MEIS2: variants seen among roughly 807,000 people sequenced by gnomAD.
MEIS2 encodes Meis homeobox 2.
MEIS2 carries 9 observed loss-of-function variants against 58.6 expected under a neutral mutation model. That is an observed-to-expected ratio of 0.15 (90% CI 0.09 to 0.27). The LOEUF (loss-of-function observed/expected upper bound fraction) is 0.27. MEIS2 is among the 10% of genes least tolerant of loss of function. The pLI is 1.00. For synonymous variants in MEIS2, 221 were observed against 228.4 expected (o/e 0.97, Z 0.29); for missense variants, 427 against 635.0 (o/e 0.67, Z 3.52).
In MEIS2 at chr15:37,010,637, C is replaced by T. The variant is rs570519025; in HGVS notation, c.900+26177G>A. Among the ~76,000 whole-genome samples the T allele has an allele frequency of 5.9e-5, 9 of 152,354 alleles. No homozygotes were observed. The South Asian group carries it at 8.3e-4, about 14-fold the overall frequency. ...CAAGCAATCCACCCCCATCGGCCTC[C>T]GCCAGTGCTGGGATTGCAGGTTTGA... On this transcript the variant is annotated intron_variant, in intron 8 of 11. Coordinates refer to ENST00000561208, the MANE Select transcript of MEIS2 (RefSeq NM_170675.5).
chr15:36,959,448 C>T (rs1047945801), intron 8 of MEIS2, among the ~76,000 whole-genome samples: 1 of 152,270 alleles, frequency 6.6e-6, no homozygotes, highest in South Asian at 2.1e-4. Context: ...AGCTAGTTCA[C>T]TGCCTGGCAT....
At chr15:36,918,948 C>T (rs2057387692) in intron 9 of MEIS2, among the ~76,000 whole-genome samples, 1 of 152,124 alleles carries the variant, frequency 6.6e-6, no homozygotes, top group Admixed American at 6.5e-5. Flanking sequence ...TGATACCTAC[C>T]TCGTAATTGT....
At position 37,095,608 on chromosome 15, in the gene MEIS2, C is replaced by A; in HGVS notation, c.394G>T (p.Ala132Ser). 2 of 1,614,170 alleles carry A rather than the reference C, an allele frequency of 1.2e-6. No homozygotes were observed. Among genetic ancestry groups the A allele is most frequent in the Middle Eastern group, 1.6e-4 (1 of 6,062 alleles). ...DIAVFAKQVR[A>S]EKPLFSSNPE... ...TTTGAGGAAAAAAGTGGCTTTTCGG[C>A]GCGAACCTGTAAGAAACAGAGAGTC... Residue 132 changes from alanine to serine, a missense_variant, in exon 4 of 12, where the codon GCC becomes TCC. This residue lies in a region of MEIS2 where 138 missense variants were observed against 263.0 expected (regional missense o/e 0.52). Transcript: ENST00000561208.
intron 9 of MEIS2, among the ~76,000 whole-genome samples, chr15:36,942,327 T>A (rs962639373): frequency 1.1e-4 from 17 of 152,200 alleles, no homozygotes; most frequent in Admixed American, 4.6e-4. Flanking sequence ...TAAGGCTCTA[T>A]GTATTTTTCT....
At chr15:37,075,117 G>A (rs1891227429) in intron 7 of MEIS2, among the ~76,000 whole-genome samples, 1 of 151,826 alleles carries the variant, frequency 6.6e-6, no homozygotes, top group Non-Finnish European at 1.5e-5. Context: ...TTAGCAAAAT[G>A]GATCCTGAGT....
chr15:36,985,592 A>C (rs573276619), intron 8 of MEIS2, among the ~76,000 whole-genome samples: 1 of 152,066 alleles, frequency 6.6e-6, no homozygotes, highest in East Asian at 1.9e-4. Context: ...CACTGCCAAT[A>C]TTTTTTCCCT....
chr15:37,036,390 CT>C lies in MEIS2; in HGVS notation c.900+423del, dbSNP rs80180193. ...GCTTGGACATGCATGTGGCAAGGTG[CT>C]TTTTTTTTTTTTTTTTTGGCCTCCT... is the stretch of plus-strand genomic sequence containing the variant. On this transcript the variant is annotated intron_variant, in intron 8 of 11. Transcript: ENST00000561208. 6.0e-3 allele frequency: 711 copies of C among 118,126 alleles called. 1 individual carries two copies. Among genetic ancestry groups the C allele is most frequent in the South Asian group, 0.016 (60 of 3,694 alleles). 7.3% of individuals were successfully genotyped at this position (118,126 alleles called of 1,614,324 possible).
At chr15:37,096,222 A>G in intron 3 of MEIS2, 67 bp downstream of exon 3, 1 of 1,471,698 alleles carries the variant, frequency 6.8e-7, no homozygotes, top group Non-Finnish European at 9.1e-7. Context: ...CTTTCAAGTA[A>G]AGCTCCGAGG....
At chr15:37,090,204 T>C (rs1218419138) in intron 6 of MEIS2, among the ~76,000 whole-genome samples, 1 of 151,986 alleles carries the variant, frequency 6.6e-6, no homozygotes, top group Non-Finnish European at 1.5e-5. Context: ...AAATACATTA[T>C]AATATTAAAA....
At chr15:37,030,414 G>A (rs557135302) in intron 8 of MEIS2, among the ~76,000 whole-genome samples, 1 of 151,860 alleles carries the variant, frequency 6.6e-6, no homozygotes, top group Admixed American at 6.6e-5. Flanking sequence ...TCCACTCACT[G>A]CAACCTCTAC....
chr15:37,022,937 G>A (rs1052266759), intron 8 of MEIS2, among the ~76,000 whole-genome samples: 3 of 152,128 alleles, frequency 2.0e-5, no homozygotes, highest in African/African-American at 7.2e-5. Context: ...TTACAGGCGT[G>A]GTCCACTGTG....
At chr15:36,998,763 A>T (rs1203876632) in intron 8 of MEIS2, among the ~76,000 whole-genome samples, 1 of 152,156 alleles carries the variant, frequency 6.6e-6, no homozygotes, top group African/African-American at 2.4e-5. Flanking sequence ...TACTGCTCTG[A>T]GGGCTTCCGT....
chr15:36,917,889 T>C (rs974450280), intron 9 of MEIS2, among the ~76,000 whole-genome samples: 1 of 152,224 alleles, frequency 6.6e-6, no homozygotes, highest in Non-Finnish European at 1.5e-5. Flanking sequence ...ATCTCATCTC[T>C]ATTTCACCTA....
chr15:37,005,178 C>G (rs8035482), intron 8 of MEIS2, among the ~76,000 whole-genome samples: 13 of 152,240 alleles, frequency 8.5e-5, no homozygotes, highest in South Asian at 2.1e-4. Flanking sequence ...TGTTCATTAA[C>G]GCATGCCCTC....
chr15:37,084,221 G>A (rs1199133670), intron 6 of MEIS2, among the ~76,000 whole-genome samples: 1 of 151,986 alleles, frequency 6.6e-6, no homozygotes, highest in Non-Finnish European at 1.5e-5. Context: ...TATGAAAAAT[G>A]TAAAAGTCAT....
At chr15:37,083,951 G>T in intron 6 of MEIS2, 66 bp from the exon 7 acceptor site, 1 of 1,426,834 alleles carries the variant, frequency 7.0e-7, no homozygotes, top group Non-Finnish European at 9.9e-7. Context: ...AGAACCAAAA[G>T]GAACGGCACA....
intron 9 of MEIS2, among the ~76,000 whole-genome samples, chr15:36,928,905 A>T (rs1259457941): frequency 6.6e-6 from 1 of 152,200 alleles, no homozygotes; most frequent in African/African-American, 2.4e-5. Flanking sequence ...AATGAGTGGC[A>T]CTGCTTATAA....
In MEIS2 at chr15:37,097,903, C is replaced by A. The variant is rs1330837497; in HGVS notation, c.245+64G>T. 2.7e-6 allele frequency: 4 copies of A among 1,505,288 alleles called. No homozygotes were observed. The Admixed American group carries it at 8.3e-5, about 31-fold the overall frequency. The allele number at this position is 1,505,288 out of a possible 1,614,324, so 93.2% of individuals were successfully genotyped here. On this transcript the variant is annotated intron_variant, in intron 2 of 11. Coordinates refer to ENST00000561208, the MANE Select transcript of MEIS2 (RefSeq NM_170675.5). Reference sequence around the variant, plus strand: ...ACTTAGTCGTCCACCTTCCCACCCCCACAGAGACAAACACACACTCTCACA... The same window carrying A: ...ACTTAGTCGTCCACCTTCCCACCCCAACAGAGACAAACACACACTCTCACA...
At chr15:37,098,274 G>C (rs904352543) in intron 1 of MEIS2, 75 bp from the exon 2 acceptor site, 2 of 1,459,782 alleles carry the variant, frequency 1.4e-6, no homozygotes, top group Non-Finnish European at 1.8e-6. Context: ...AAGGGAAAAA[G>C]AGCAGGGAGA....
Sources: gnomAD v4.1 joint callset for allele counts (sites outside exome capture counted in the v4.1 genomes callset) on GRCh38, gnomAD v4.1.1 for gene constraint, gnomAD v4.1.1 regional missense constraint, MANE v1.5 for transcripts, NCBI Gene and HGNC (gene_info 2026-07-23, HGNC 2026-07-21) for gene names.